FOCAD: variants seen among roughly 807,000 people sequenced by gnomAD.
The protein encoded by FOCAD is focadhesin.
A neutral mutation model predicts 225.6 loss-of-function variants in FOCAD; 198 were observed. The observed-to-expected ratio is 0.88, with a 90% CI of 0.78 to 0.99. FOCAD has a LOEUF of 0.99. Among genes scored for constraint, FOCAD ranks in the 50% least tolerant of loss-of-function variants. The pLI is 0.00. For missense variants in FOCAD, 2,713 were observed against 2,123.6 expected (o/e 1.28, Z -5.46); for synonymous variants, 897 against 755.0 (o/e 1.19, Z -3.08).
At chr9:20,907,424 A>G (rs997985975) in intron 22 of FOCAD, among the ~76,000 whole-genome samples, 182 bp downstream of exon 22, 20 of 152,116 alleles carry the variant, frequency 1.3e-4, no homozygotes, top group Admixed American at 5.9e-4. Context: ...TTAAACATCA[A>G]TGCCCCCCAA....
chr9:20,915,607 G>A (rs1394057560), intron 23 of FOCAD, among the ~76,000 whole-genome samples: 2 of 152,124 alleles, frequency 1.3e-5, no homozygotes, highest in African/African-American at 4.8e-5. Flanking sequence ...GAGAGTGGAA[G>A]GAAATAACGA....
At chr9:20,970,088 C>T (rs922820282) in intron 35 of FOCAD, among the ~76,000 whole-genome samples, 1 of 151,814 alleles carries the variant, frequency 6.6e-6, no homozygotes, top group Non-Finnish European at 1.5e-5. Flanking sequence ...TTGGGAATCC[C>T]TTGTATGTGA....
At chr9:20,698,674 T>A (rs1823586580) in intron 1 of FOCAD, among the ~76,000 whole-genome samples, 2 of 152,162 alleles carry the variant, frequency 1.3e-5, no homozygotes, top group Admixed American at 1.3e-4. Flanking sequence ...GCGCCCGGCT[T>A]ATGTTTTAAA....
intron 28 of FOCAD, among the ~76,000 whole-genome samples, chr9:20,942,720 A>G (rs895120791): frequency 2.0e-5 from 3 of 152,200 alleles, no homozygotes; most frequent in African/African-American, 7.2e-5. Flanking sequence ...GGTGCAGCAG[A>G]TACTGTGGTA....
chr9:20,969,451 A>G (rs1284060054), intron 35 of FOCAD, among the ~76,000 whole-genome samples: 1 of 151,954 alleles, frequency 6.6e-6, no homozygotes, highest in East Asian at 1.9e-4. Context: ...TGGGGGCTCT[A>G]CTGTTTGATT....
chr9:20,926,089 C>T (rs1205531442), intron 25 of FOCAD, among the ~76,000 whole-genome samples: 8 of 152,078 alleles, frequency 5.3e-5, no homozygotes, highest in Non-Finnish European at 1.2e-4. Context: ...ATAAAAGATA[C>T]ATCTTATTTC....
At chr9:20,821,772 G>A (rs192769319) in intron 14 of FOCAD, among the ~76,000 whole-genome samples, 75 of 152,006 alleles carry the variant, frequency 4.9e-4, no homozygotes, top group Non-Finnish European at 5.9e-4. Context: ...CAGCCACTGC[G>A]TTGAATTCCT....
chr9:20,807,729 T>G (rs545475731), intron 11 of FOCAD, among the ~76,000 whole-genome samples: 35 of 152,274 alleles, frequency 2.3e-4, no homozygotes, highest in Non-Finnish European at 4.9e-4. Context: ...TGCTCACTTT[T>G]TCAATATAAA....
intron 20 of FOCAD, among the ~76,000 whole-genome samples, chr9:20,883,325 T>C (rs1036681123): frequency 1.3e-5 from 2 of 152,198 alleles, no homozygotes; most frequent in African/African-American, 4.8e-5. Flanking sequence ...CTTTAAAATA[T>C]CTTTTTCAGT....
chr9:20,988,480 T>C (rs766204712), intron 41 of FOCAD, 51 bp downstream of exon 41: 3 of 1,094,544 alleles, frequency 2.7e-6, no homozygotes, highest in South Asian at 3.0e-5. Context: ...AGAACTTATA[T>C]TAGGTTGGTG....
chr9:20,936,643 A>G (rs529837327), intron 28 of FOCAD, among the ~76,000 whole-genome samples: 1 of 152,276 alleles, frequency 6.6e-6, no homozygotes, highest in South Asian at 2.1e-4. Context: ...CCTGGTTAAC[A>G]CGGTGAAACC....
intron 5 of FOCAD, among the ~76,000 whole-genome samples, chr9:20,740,734 G>A (rs1827544479): frequency 6.6e-6 from 1 of 152,170 alleles, no homozygotes; most frequent in Admixed American, 6.5e-5. Context: ...AAAAGCAATA[G>A]GAGACTGCTA....
chr9:20,916,651 C>A (rs564127325), intron 23 of FOCAD, among the ~76,000 whole-genome samples: 1 of 152,178 alleles, frequency 6.6e-6, no homozygotes, highest in African/African-American at 2.4e-5. Context: ...ATCTGTACAT[C>A]CCCCCTCAGT....
chr9:20,994,007 G>A (rs1030604385), intron 43 of FOCAD, among the ~76,000 whole-genome samples: 7 of 152,156 alleles, frequency 4.6e-5, no homozygotes, highest in Non-Finnish European at 8.8e-5. Flanking sequence ...GCTTCTGTGT[G>A]TGTTGTCTTA....
At chr9:20,708,734 T>C (rs1272435055) in intron 1 of FOCAD, among the ~76,000 whole-genome samples, 1 of 151,720 alleles carries the variant, frequency 6.6e-6, no homozygotes, top group Non-Finnish European at 1.5e-5. Flanking sequence ...TATGATTGTG[T>C]CACTGTACTC....
At position 20,929,484 on chromosome 9, in the gene FOCAD, C is replaced by T. The variant is rs1346818986; in HGVS notation, c.3205C>T (p.Leu1069=). Reference sequence around the variant, plus strand: ...GAAGGTTGAGGAAATCCTGAACATGCTGACTGCCAGGTTACCTGGGAAACC... The same window carrying T: ...GAAGGTTGAGGAAATCCTGAACATGTTGACTGCCAGGTTACCTGGGAAACC... The part of the protein sequence containing the change: ...KEKVEEILNM[L]TARLPGKPSA... The change falls in exon 27 of 44, where the codon CTG becomes TTG. Residue 1069 remains leucine (L), a synonymous_variant. Transcript: ENST00000338382. The T allele has an allele frequency of 1.2e-6, 2 of 1,614,000 alleles. No homozygotes were observed. The highest frequency in any genetic ancestry group is 1.7e-5 in the Admixed American group (1 of 59,998).
intron 43 of FOCAD, among the ~76,000 whole-genome samples, chr9:20,995,353 G>C (rs1343597781): frequency 9.3e-6 from 1 of 107,324 alleles, no homozygotes; most frequent in Non-Finnish European, 1.9e-5. Context: ...CTGATTGCAG[G>C]GTAACTTAAA....
chr9:20,981,723 T>C (rs771057263), intron 38 of FOCAD, 37 bp downstream of exon 38: 7 of 1,579,038 alleles, frequency 4.4e-6, no homozygotes, highest in Admixed American at 1.8e-5. Context: ...TGACAATTTA[T>C]GTTTGGGATA....
chr9:20,984,656 GT>G (rs1185137555), intron 39 of FOCAD, among the ~76,000 whole-genome samples: 9 of 152,312 alleles, frequency 5.9e-5, no homozygotes, highest in Admixed American at 2.6e-4. Context: ...TTGTGAGGTT[GT>G]TTTGGTGAAG....
Sources: allele counts gnomAD v4.1 joint callset (sites outside exome capture counted in the v4.1 genomes callset), GRCh38; gene constraint gnomAD v4.1.1; transcripts MANE v1.5; gene names NCBI Gene and HGNC (gene_info 2026-07-23, HGNC 2026-07-21).